CSMD1: variants seen among roughly 807,000 people sequenced by gnomAD.
CSMD1 encodes CUB and sushi domain-containing protein 1.
Under a neutral mutation model 417.5 loss-of-function variants are expected in CSMD1, and 213 were observed. The ratio of observed to expected loss-of-function variants is 0.51; its 90% confidence interval spans 0.46 to 0.57. CSMD1 has a LOEUF of 0.57. Among genes scored for constraint, CSMD1 ranks in the 20% least tolerant of loss-of-function variants. The pLI is 0.00. For missense variants in CSMD1, 6,923 were observed against 4,529.7 expected (o/e 1.53, Z -15.17); for synonymous variants, 2,862 against 1,736.8 (o/e 1.65, Z -16.11).
At chr8:4,707,304 G>C (rs993313427) in intron 1 of CSMD1, among the ~76,000 whole-genome samples, 1 of 152,110 alleles carries the variant, frequency 6.6e-6, no homozygotes, top group Non-Finnish European at 1.5e-5. Context: ...TTGAAGCTTG[G>C]AGAAGTTAAA....
In CSMD1 at chr8:4,891,131, G is replaced by C. The variant is rs556230522; in HGVS notation, c.85+103201C>G. 1.1e-4 allele frequency among the ~76,000 whole-genome samples: 16 copies of C among 152,252 alleles called. 1 individual carries two copies. The South Asian group carries it at 3.3e-3, about 32-fold the overall frequency. ...AGCCTTCCTGAGAGCAGAGGCTGAT[G>C]CCACGGTATGAACTCTGTGTTTTGA... On this transcript the variant is annotated intron_variant, in intron 1 of 69. Coordinates refer to ENST00000635120, the MANE Select transcript of CSMD1 (RefSeq NM_033225.6).
At chr8:4,371,781 T>C (rs1420531861) in intron 3 of CSMD1, among the ~76,000 whole-genome samples, 1 of 152,232 alleles carries the variant, frequency 6.6e-6, no homozygotes, top group African/African-American at 2.4e-5. Context: ...ACAAATATTG[T>C]TTTTTAATTC....
intron 5 of CSMD1, among the ~76,000 whole-genome samples, chr8:3,918,274 C>G (rs539042094): frequency 6.6e-6 from 1 of 152,114 alleles, no homozygotes; most frequent in African/African-American, 2.4e-5. Context: ...TTTTAGCAGC[C>G]TACAAACTCT....
chr8:3,235,426 A>C (rs1025818586), intron 26 of CSMD1, among the ~76,000 whole-genome samples: 4 of 152,230 alleles, frequency 2.6e-5, no homozygotes, highest in Middle Eastern at 3.2e-3. Context: ...CCTTGCAAAA[A>C]ATAAGTGCTC....
At chr8:3,725,510 G>C (rs1335088863) in intron 6 of CSMD1, among the ~76,000 whole-genome samples, 2 of 152,188 alleles carry the variant, frequency 1.3e-5, no homozygotes, top group Non-Finnish European at 2.9e-5. Context: ...ATGTGTATGT[G>C]TGTGTGTATG....
At chr8:3,215,984 A>G (rs1797857358) in intron 29 of CSMD1, among the ~76,000 whole-genome samples, 1 of 149,808 alleles carries the variant, frequency 6.7e-6, no homozygotes, top group East Asian at 1.9e-4. Context: ...ATCTATTATA[A>G]TAATGTATTA....
chr8:4,370,403 T>C (rs1802328599), intron 3 of CSMD1, among the ~76,000 whole-genome samples: 1 of 152,142 alleles, frequency 6.6e-6, no homozygotes, highest in Non-Finnish European at 1.5e-5. Context: ...TTGGAAAATC[T>C]GATGATATTG....
At chr8:4,990,755 C>G (rs1387764457) in intron 1 of CSMD1, among the ~76,000 whole-genome samples, 3 of 151,918 alleles carry the variant, frequency 2.0e-5, no homozygotes, top group Admixed American at 1.3e-4. Flanking sequence ...GTATTGGGTG[C>G]GGCTCTGCCA....
intron 6 of CSMD1, among the ~76,000 whole-genome samples, chr8:3,722,502 G>C (rs7837797): frequency 1.3e-5 from 2 of 151,772 alleles, no homozygotes; most frequent in Non-Finnish European, 1.5e-5. Flanking sequence ...TGAAAAGCAG[G>C]GTCTGTCTTA....
At chr8:4,885,345 G>A (rs1469145022) in intron 1 of CSMD1, among the ~76,000 whole-genome samples, 3 of 151,728 alleles carry the variant, frequency 2.0e-5, no homozygotes, top group Non-Finnish European at 2.9e-5. Flanking sequence ...TGCCTAATAT[G>A]CTTTCTAAAA....
chr8:3,932,019 A>G (rs1810185875), intron 5 of CSMD1, among the ~76,000 whole-genome samples: 1 of 150,232 alleles, frequency 6.7e-6, no homozygotes, highest in Non-Finnish European at 1.5e-5. Flanking sequence ...AGAAAACAAT[A>G]ATTTTGTGAC....
At chr8:4,343,263 G>A (rs535419603) in intron 3 of CSMD1, among the ~76,000 whole-genome samples, 5 of 152,136 alleles carry the variant, frequency 3.3e-5, no homozygotes, top group South Asian at 2.1e-4. Flanking sequence ...GAGGTTGCCA[G>A]TGGTTGTGGG....
chr8:3,914,524 C>T (rs1456638894), intron 5 of CSMD1, among the ~76,000 whole-genome samples: 1 of 152,092 alleles, frequency 6.6e-6, no homozygotes, highest in African/African-American at 2.4e-5. Flanking sequence ...ATTTTTGTAG[C>T]TCCTAACTAA....
In CSMD1 at chr8:4,073,895, A is replaced by G. The variant is rs76758325; in HGVS notation, c.416-41796T>C. On this transcript the variant is annotated intron_variant, in intron 3 of 69. Transcript: ENST00000635120. ...TAGTCAATAACTAGTCTACAGCTAT[A>G]CAAATATTTCAAGTAGTCTTAATCT... 1.8e-4 allele frequency among the ~76,000 whole-genome samples: 28 copies of G among 152,236 alleles called. No individual in the cohort carries two copies. The East Asian group carries it at 5.4e-3, about 29-fold the overall frequency.
At chr8:3,964,955 A>G (rs1014738696) in intron 5 of CSMD1, among the ~76,000 whole-genome samples, 3 of 152,148 alleles carry the variant, frequency 2.0e-5, no homozygotes, top group Non-Finnish European at 4.4e-5. Context: ...TATCCTCGTC[A>G]TGTAATTCTT....
intron 6 of CSMD1, among the ~76,000 whole-genome samples, chr8:3,709,923 G>T (rs1396957955): frequency 1.4e-4 from 1 of 7,310 alleles, no homozygotes; most frequent in Admixed American, 2.1e-3. Context: ...GGAGACCCCT[G>T]AAGCATACAA....
At chr8:3,412,505 A>G (rs143240348) in intron 12 of CSMD1, among the ~76,000 whole-genome samples, 89 of 152,302 alleles carry the variant, frequency 5.8e-4, no homozygotes, top group African/African-American at 1.9e-3. Flanking sequence ...TGGGAATATC[A>G]AAGAAGTGAA....
chr8:3,581,955 C>A (rs763242903), intron 9 of CSMD1, among the ~76,000 whole-genome samples: 3 of 152,140 alleles, frequency 2.0e-5, no homozygotes, highest in African/African-American at 7.2e-5. Flanking sequence ...TAGGCATGCA[C>A]CAGCATGTCT....
intron 41 of CSMD1, among the ~76,000 whole-genome samples, chr8:3,120,213 G>A (rs923853921): frequency 1.3e-4 from 20 of 152,110 alleles, no homozygotes; most frequent in African/African-American, 4.1e-4. Flanking sequence ...AGCAGACAGG[G>A]GATGGGAACA....
Sources: allele counts gnomAD v4.1 joint callset (sites outside exome capture counted in the v4.1 genomes callset), GRCh38; gene constraint gnomAD v4.1.1; transcripts MANE v1.5; gene names NCBI Gene and HGNC (gene_info 2026-07-23, HGNC 2026-07-21).